Variants in CNEP1R1 observed in about 807,000 individuals in gnomAD.
The protein encoded by CNEP1R1 is nuclear envelope phosphatase-regulatory subunit 1.
A neutral mutation model predicts 22.7 loss-of-function variants in CNEP1R1; 10 were observed. The observed-to-expected ratio is 0.44, with a 90% CI of 0.27 to 0.75. The LOEUF (loss-of-function observed/expected upper bound fraction) is 0.75. CNEP1R1 is among the 30% of genes least tolerant of loss of function. The probability of loss-of-function intolerance (pLI) is 0.17; values close to 1 mark genes in which losing one functional copy is unlikely to be tolerated. For missense variants in CNEP1R1, 73 were observed against 151.5 expected (o/e 0.48, Z 2.72); for synonymous variants, 53 against 50.1 (o/e 1.06, Z -0.25).
chr16:50,033,555 T>C (rs766816712), intron 4 of CNEP1R1, 49 bp downstream of exon 4: 2 of 1,035,952 alleles, frequency 1.9e-6, no homozygotes, highest in Non-Finnish European at 3.0e-6. Context: ...GCTTTGTTGA[T>C]CTAGGTAATG....
intron 1 of CNEP1R1, chr16:50,025,636 A>C: frequency 6.2e-7 from 1 of 1,612,404 alleles, no homozygotes; most frequent in South Asian, 1.1e-5. Flanking sequence ...AATTCATTTC[A>C]TTTCATTCTC....
intron 1 of CNEP1R1, 173 bp from the exon 2 acceptor site, chr16:50,026,223 A>G (rs1371912279): frequency 4.1e-6 from 2 of 492,694 alleles, no homozygotes; most frequent in African/African-American, 3.8e-5. Flanking sequence ...CAAGTGCTTA[A>G]AAAGCTGTCA....
Position 50,033,436 on chromosome 16 carries a change from A to G in CNEP1R1, c.211A>G (p.Thr71Ala). The G allele has an allele frequency of 6.2e-7, 1 of 1,601,780 alleles. No individual in the cohort carries two copies. The highest frequency in any genetic ancestry group is 8.5e-7 in the Non-Finnish European group (1 of 1,169,972). ...ATCATTATGGAATCACCCATTTTTC[A>G]CCATTAGCTGTATCACTCTAATAGG... ...FTSLWNHPFF[T>A]ISCITLIGLF... Residue 71 changes from threonine (T) to alanine (A), a missense_variant, in exon 4 of 6, where the codon ACC becomes GCC. Physicochemically the swap from Thr to Ala is moderately conservative, Grantham distance 58. Transcript: ENST00000427478.
intron 2 of CNEP1R1, among the ~76,000 whole-genome samples, chr16:50,028,779 G>A (rs1425749304): frequency 6.6e-6 from 1 of 151,884 alleles, no homozygotes; most frequent in African/African-American, 2.4e-5. Context: ...GTGCATTTCT[G>A]GAAATACAGA....
At chr16:50,030,050 C>T (rs995851313) in intron 3 of CNEP1R1, among the ~76,000 whole-genome samples, 2 of 152,140 alleles carry the variant, frequency 1.3e-5, no homozygotes, top group African/African-American at 2.4e-5. Context: ...TTGTCATTCA[C>T]TTCTGAATTT....
rs2036257926 is a variant in CNEP1R1, at chr16:50,034,321, T to C, written c.336+165T>C. 5.2e-6 allele frequency: 3 copies of C among 581,708 alleles called. No individual in the cohort carries two copies. In the Admixed American group the frequency reaches 8.6e-5, roughly 17 times the overall value. 36.0% of individuals were successfully genotyped at this position (581,708 alleles called of 1,614,324 possible). A position where few individuals can be genotyped will look rare whatever the true frequency, so the allele number is the denominator to read the frequency against. On this transcript the variant is annotated intron_variant, in intron 5 of 5. Coordinates refer to ENST00000427478, the MANE Select transcript of CNEP1R1 (RefSeq NM_001281789.2). ...AAGGTACTTTTACATTTAACATCTT[T>C]GGCATTGAGATCCATCTTACAGTCA...
intron 2 of CNEP1R1, among the ~76,000 whole-genome samples, chr16:50,027,846 T>C (rs1217910611): frequency 6.6e-6 from 1 of 152,186 alleles, no homozygotes; most frequent in Admixed American, 6.5e-5. Flanking sequence ...CTACAAAATA[T>C]AATTTGAACA....
intron 4 of CNEP1R1, 104 bp from the exon 5 acceptor site, chr16:50,033,998 G>A (rs576390112): frequency 3.7e-5 from 29 of 781,598 alleles, no homozygotes; most frequent in South Asian, 1.3e-4. Context: ...TGATCCGACC[G>A]CCTCGGCCTC....
At chr16:50,026,305 T>A in intron 1 of CNEP1R1, 91 bp from the exon 2 acceptor site, 1 of 851,088 alleles carries the variant, frequency 1.2e-6, no homozygotes, top group Non-Finnish European at 1.9e-6. Flanking sequence ...TAAGAGTATC[T>A]CACATGTCGT....
At position 50,033,121 on chromosome 16, in the gene CNEP1R1, G is replaced by A. The variant is rs574694992; in HGVS notation, c.172-276G>A. ...GAGTTCAGTAAATATTTTTGATAGGGTTGTTTTTTGATTATAGGAATGAAT... is the reference window on the plus strand; with the variant it reads ...GAGTTCAGTAAATATTTTTGATAGGATTGTTTTTTGATTATAGGAATGAAT... On this transcript the variant is annotated intron_variant, in intron 3 of 5. Transcript: ENST00000427478. Among the ~76,000 whole-genome samples the A allele has an allele frequency of 2.0e-5, 3 of 152,174 alleles. No individual in the cohort carries two copies. The East Asian group carries it at 5.8e-4, about 29-fold the overall frequency.
In CNEP1R1 at chr16:50,035,950, T is replaced by C. The variant is rs2036273296; in HGVS notation, c.*492T>C. The C allele has an allele frequency of 6.5e-6, 1 of 153,352 alleles. No homozygotes were observed. Among genetic ancestry groups the C allele is most frequent in the African/African-American group, 2.4e-5 (1 of 41,418 alleles). The allele number at this position is 153,352 out of a possible 1,614,324, so 9.5% of individuals were successfully genotyped here. ...TTCATTCTTACATTTCTAATCATAC[T>C]GCAGGAAAAACATTGGATTCAGCTT... On this transcript the variant is annotated 3_prime_UTR_variant, in exon 6 of 6. Coordinates refer to ENST00000427478, the MANE Select transcript of CNEP1R1 (RefSeq NM_001281789.2).
intron 3 of CNEP1R1, among the ~76,000 whole-genome samples, chr16:50,032,429 T>C (rs2144279933): frequency 6.6e-6 from 1 of 152,342 alleles, no homozygotes; most frequent in South Asian, 2.1e-4. Flanking sequence ...TCTCCTTCGT[T>C]CTAGTTCTTT....
In CNEP1R1 at chr16:50,026,437, T is replaced by C; in HGVS notation, c.67T>C (p.Cys23Arg). The change falls in exon 2 of 6, where the codon TGT becomes CGT. Residue 23 changes from cysteine to arginine, a missense_variant. Physicochemically the swap from Cys to Arg is radical, Grantham distance 180 (BLOSUM62 -3). Coordinates refer to ENST00000427478, the MANE Select transcript of CNEP1R1 (RefSeq NM_001281789.2). Reference protein sequence around the residue: ...FERRLTEYIHCLQPATGRWRM... With the variant: ...FERRLTEYIHRLQPATGRWRM... Reference sequence around the variant, plus strand: ...GAGGAGACTTACTGAATATATTCATTGTTTGCAACCTGCTACTGGACGCTG... The same window carrying C: ...GAGGAGACTTACTGAATATATTCATCGTTTGCAACCTGCTACTGGACGCTG... 6.2e-7 allele frequency: 1 copy of C among 1,610,972 alleles called. No individual in the cohort carries two copies. The highest frequency in any genetic ancestry group is 8.5e-7 in the Non-Finnish European group (1 of 1,178,434).
chr16:50,027,954 G>A (rs765400915), intron 2 of CNEP1R1, among the ~76,000 whole-genome samples: 2 of 152,056 alleles, frequency 1.3e-5, no homozygotes, highest in African/African-American at 4.8e-5. Context: ...GTTTGGAATA[G>A]TTTTTATTTG....
At chr16:50,027,264 CTT>C (rs1473116845) in intron 2 of CNEP1R1, among the ~76,000 whole-genome samples, 1 of 152,018 alleles carries the variant, frequency 6.6e-6, no homozygotes, top group African/African-American at 2.4e-5. Context: ...AATCCCAACA[CTT>C]TGGTAGGCCG....
Position 50,035,608 on chromosome 16 carries a change from TTGA to T in CNEP1R1, c.*156_*158del, listed in dbSNP as rs1455823965. The T allele has an allele frequency of 1.5e-5, 9 of 597,532 alleles. No homozygotes were observed. The highest frequency in any genetic ancestry group is 5.7e-5 in the East Asian group (2 of 34,862). The allele number at this position is 597,532 out of a possible 1,614,324, so 37.0% of individuals were successfully genotyped here. A position where few individuals can be genotyped will look rare whatever the true frequency, so the allele number is the denominator to read the frequency against. On this transcript the variant is annotated 3_prime_UTR_variant, in exon 6 of 6. Coordinates refer to ENST00000427478, the MANE Select transcript of CNEP1R1 (RefSeq NM_001281789.2). Reference sequence around the variant, plus strand: ...GTGTGCAATATTTACCTGGATTATCTTGATGATGGTGACTCATTATCAGTGCTT... The same window carrying T: ...GTGTGCAATATTTACCTGGATTATCTTGATGGTGACTCATTATCAGTGCTT...
intron 3 of CNEP1R1, 29 bp downstream of exon 3, chr16:50,029,827 A>G: frequency 7.6e-7 from 1 of 1,321,214 alleles, no homozygotes; most frequent in Non-Finnish European, 1.1e-6. Flanking sequence ...AATCATTAGC[A>G]TAATTAAATG....
At chr16:50,032,567 T>C (rs868868113) in intron 3 of CNEP1R1, among the ~76,000 whole-genome samples, 18 of 152,192 alleles carry the variant, frequency 1.2e-4, no homozygotes, top group African/African-American at 3.9e-4. Flanking sequence ...TTGAGTGTTA[T>C]GAGGATATGT....
At chr16:50,028,014 G>A (rs1198984783) in intron 2 of CNEP1R1, among the ~76,000 whole-genome samples, 1 of 152,210 alleles carries the variant, frequency 6.6e-6, no homozygotes, top group African/African-American at 2.4e-5. Context: ...CTGGAGTGCA[G>A]TGGCGCCATC....
Sources: gnomAD v4.1 joint callset for allele counts (sites outside exome capture counted in the v4.1 genomes callset) on GRCh38, gnomAD v4.1.1 for gene constraint, MANE v1.5 for transcripts, NCBI Gene and HGNC (gene_info 2026-07-23, HGNC 2026-07-21) for gene names.